Variants in CCDC88B observed in about 807,000 individuals in gnomAD.
CCDC88B encodes coiled-coil domain-containing protein 88B.
A neutral mutation model predicts 183.7 loss-of-function variants in CCDC88B; 138 were observed. The ratio of observed to expected loss-of-function variants is 0.75; its 90% CI spans 0.65 to 0.87. The LOEUF is 0.87. CCDC88B is among the 40% of genes least tolerant of loss of function. The pLI is 0.00. For missense variants in CCDC88B, 1,822 were observed against 1,965.6 expected, an observed-to-expected ratio of 0.93 and a Z score of 1.38; for synonymous variants, 835 against 867.5, an observed-to-expected ratio of 0.96 and a Z score of 0.66.
chr11:64,352,433 G>A (rs1459838342), intron 19 of CCDC88B, 47 bp downstream of exon 19: 1 of 1,490,022 alleles, frequency 6.7e-7, no homozygotes, highest in Non-Finnish European at 8.9e-7. Context: ...CCCCCTATCT[G>A]CCAGAGAAGA....
rs754778814 is a variant in CCDC88B, at chr11:64,357,179, G to A, written c.*85G>A. The A allele has an allele frequency of 2.6e-6, 4 of 1,529,010 alleles. No individual in the cohort carries two copies. The highest frequency in any genetic ancestry group is 3.6e-6 in the Non-Finnish European group (4 of 1,103,000). The allele number at this position is 1,529,010 out of a possible 1,614,324, so 94.7% of individuals were successfully genotyped here. A position where few individuals can be genotyped will look rare whatever the true frequency, so the allele number is the denominator to read the frequency against. On this transcript the variant is annotated 3_prime_UTR_variant, in exon 27 of 27. Transcript: ENST00000356786. ...GCCCCAGGCAGCCCAAGAGCTCAGG[G>A]AGCCAGGGACCCCAAGGGGAGTCCT...
In CCDC88B at chr11:64,344,500, G is replaced by C. The variant is rs568305650; in HGVS notation, c.1959G>C (p.Ser653=). ...QEGPEHKPGP[S]EPSSVQLEEQ... The stretch of plus-strand genomic sequence containing the variant: ...GCCCTGAGCACAAGCCAGGGCCTTC[G>C]GAGCCCAGCTCTGTGCAGCTGGAGG... The change falls in exon 14 of 27, where the codon TCG becomes TCC. Residue 653 remains serine, a synonymous_variant. Coordinates refer to ENST00000356786, the MANE Select transcript of CCDC88B (RefSeq NM_032251.6). The surrounding 1 kb of genome is among the most constrained non-coding windows in gnomAD (Gnocchi z 4.5). 3.7e-6 allele frequency: 6 copies of C among 1,606,658 alleles called. No homozygotes were observed. The highest frequency in any genetic ancestry group is 4.2e-6 in the Non-Finnish European group (5 of 1,176,904).
At chr11:64,343,440 C>T in intron 11 of CCDC88B, 67 bp from the exon 12 acceptor site, 1 of 1,542,918 alleles carries the variant, frequency 6.5e-7, no homozygotes, top group Non-Finnish European at 8.8e-7. Context: ...CTCTAGTGAC[C>T]CTCCGACCTA....
chr11:64,340,458 G>A, intron 1 of CCDC88B, 132 bp downstream of exon 1: 2 of 1,349,644 alleles, frequency 1.5e-6, no homozygotes, highest in Non-Finnish European at 2.0e-6. Context: ...GTGGGGGATG[G>A]AGATATGGTG....
rs551209341 is a variant in CCDC88B at position 64,352,808 on chromosome 11, C to T, written c.3421C>T (p.Arg1141Cys). Residue 1141 changes from arginine (R) to cysteine (C), a missense_variant, in exon 20 of 27, where the codon CGT becomes TGT. Arg to Cys is a radical substitution (Grantham distance 180). Transcript: ENST00000356786. Reference protein sequence around the residue: ...EAQEVALLAERERLMQDGHRQ... With the variant: ...EAQEVALLAECERLMQDGHRQ... Reference sequence around the variant, plus strand: ...ACAGGAGGTGGCCCTGCTGGCAGAGCGTGAACGCCTGATGCAAGATGGGCA... The same window carrying T: ...ACAGGAGGTGGCCCTGCTGGCAGAGTGTGAACGCCTGATGCAAGATGGGCA... The T allele has an allele frequency of 8.1e-6, 13 of 1,613,234 alleles. No homozygotes were observed. Among genetic ancestry groups the T allele is most frequent in the Admixed American group, 6.7e-5 (4 of 59,990 alleles).
Position 64,352,252 on chromosome 11 carries a change from G to T in CCDC88B, c.3222G>T (p.Leu1074=), listed in dbSNP as rs150446546. Residue 1074 remains leucine (L), a synonymous_variant, in exon 19 of 27, where the codon CTG becomes CTT. Coordinates refer to ENST00000356786, the MANE Select transcript of CCDC88B (RefSeq NM_032251.6). ...QEETRGQQQA[L]LRDHKALAQL... ...AGACCCGCGGGCAGCAGCAGGCCCT[G>T]CTTCGGGACCACAAGGCCCTGGCAC... 2.0e-4 allele frequency: 322 copies of T among 1,604,700 alleles called. No individual in the cohort carries two copies. Among genetic ancestry groups the T allele is most frequent in the Non-Finnish European group, 2.4e-4 (282 of 1,175,884 alleles).
chr11:64,342,866 T>A (rs1369194319), intron 10 of CCDC88B, 186 bp downstream of exon 10: 1 of 333,808 alleles, frequency 3.0e-6, no homozygotes, highest in South Asian at 3.1e-5. Flanking sequence ...ATGGGGCAGG[T>A]GTAGGGGAGT....
In CCDC88B at chr11:64,341,284, C is replaced by A; in HGVS notation, c.403C>A (p.Gln135Lys). ...GTGCCTTGCAGAAGAAGCGGTGGAG[C>A]AGCTGGAAGGCGTTCTTCGGCTACT... ...FDPLSEEAVE[Q>K]LEGVLRLLLG... The change falls in exon 5 of 27, where the codon CAG becomes AAG. Residue 135 changes from glutamine (Q) to lysine (K), a missense_variant. By Grantham distance (53) the Gln-to-Lys change is moderately conservative. Coordinates refer to ENST00000356786, the MANE Select transcript of CCDC88B (RefSeq NM_032251.6). 2.5e-6 allele frequency: 4 copies of A among 1,614,142 alleles called. No homozygotes were observed. Among genetic ancestry groups the A allele is most frequent in the Non-Finnish European group, 3.4e-6 (4 of 1,180,018 alleles).
At position 64,341,273 on chromosome 11, in the gene CCDC88B, A is replaced by C; in HGVS notation, c.392A>C (p.Glu131Ala). 3.1e-6 allele frequency: 5 copies of C among 1,614,060 alleles called. No homozygotes were observed. Among genetic ancestry groups the C allele is most frequent in the Non-Finnish European group, 4.2e-6 (5 of 1,180,010 alleles). Residue 131 changes from glutamate (E) to alanine (A), a missense_variant, in exon 5 of 27, where the codon GAA becomes GCA. Transcript: ENST00000356786. Reference protein sequence around the residue: ...QTLGFDPLSEEAVEQLEGVLR... With the variant: ...QTLGFDPLSEAAVEQLEGVLR... ...CCTTGTGGCATGTGCCTTGCAGAAG[A>C]AGCGGTGGAGCAGCTGGAAGGCGTT...
intron 24 of CCDC88B, among the ~76,000 whole-genome samples, chr11:64,354,949 G>A (rs1163592474): frequency 2.1e-4 from 2 of 9,570 alleles, no homozygotes; most frequent in Non-Finnish European, 3.5e-4. Flanking sequence ...CGCTCCCCTC[G>A]TCTGACCCCC....
chr11:64,342,220 C>G, intron 8 of CCDC88B, 74 bp from the exon 9 acceptor site: 1 of 1,580,024 alleles, frequency 6.3e-7, no homozygotes, highest in South Asian at 1.1e-5. Flanking sequence ...CTGGTGGCTA[C>G]GGGAGGGGTC....
At position 64,349,540 on chromosome 11, in the gene CCDC88B, T is replaced by G. The variant is rs1473382761; in HGVS notation, c.2745-11T>G. 1 of 1,593,620 alleles carries G rather than the reference T, an allele frequency of 6.3e-7. No individual in the cohort carries two copies. Among genetic ancestry groups the G allele is most frequent in the Admixed American group, 1.8e-5 (1 of 56,684 alleles). ...TGGGGTGGGGCTGGGTGCTAAGGAT[T>G]CTCCTGGCAGGTACCAGGGCTTGGA... On this transcript the variant is annotated splice_polypyrimidine_tract_variant and intron_variant, in intron 15 of 26. Transcript: ENST00000356786.
At chr11:64,355,829 A>G (rs1591302886) in intron 26 of CCDC88B, 1 of 521,628 alleles carries the variant, frequency 1.9e-6, no homozygotes, top group Non-Finnish European at 3.4e-6. Flanking sequence ...ATTATCTACA[A>G]CAGCCCTGTC....
Position 64,342,566 on chromosome 11 carries a change from C to A in CCDC88B, c.948C>A (p.Arg316=). ...SGQAKRAELY[R]EEAEALRERA... ...AGGCCAAGCGGGCCGAGCTGTACCGCGAGGAGGCAGAGGCGCTGCGGGAGC... is the reference window on the plus strand; with the variant it reads ...AGGCCAAGCGGGCCGAGCTGTACCGAGAGGAGGCAGAGGCGCTGCGGGAGC... Residue 316 remains arginine (R), a synonymous_variant, in exon 10 of 27, where the codon CGC becomes CGA. Coordinates refer to ENST00000356786, the MANE Select transcript of CCDC88B (RefSeq NM_032251.6). 1 of 1,531,666 alleles carries A rather than the reference C, an allele frequency of 6.5e-7. No individual in the cohort carries two copies. Among genetic ancestry groups the A allele is most frequent in the Non-Finnish European group, 8.7e-7 (1 of 1,145,370 alleles). The allele number at this position is 1,531,666 out of a possible 1,614,324, so 94.9% of individuals were successfully genotyped here.
Position 64,352,161 on chromosome 11 carries a change from A to G in CCDC88B, c.3131A>G (p.Gln1044Arg). ...AEKSVLEIQG[Q>R]ELHRKLEVLE... Reference sequence around the variant, plus strand: ...AAGTCTGTGCTGGAGATTCAGGGCCAGGAGCTGCACCGGAAGCTGGAGGTG... The same window carrying G: ...AAGTCTGTGCTGGAGATTCAGGGCCGGGAGCTGCACCGGAAGCTGGAGGTG... Residue 1044 changes from glutamine (Q) to arginine (R), a missense_variant, in exon 19 of 27, where the codon CAG becomes CGG. Physicochemically the swap from Gln to Arg is conservative, Grantham distance 43 (BLOSUM62 1). Transcript: ENST00000356786. 6.3e-7 allele frequency: 1 copy of G among 1,596,548 alleles called. No individual in the cohort carries two copies.
intron 16 of CCDC88B, 99 bp from the exon 17 acceptor site, chr11:64,351,060 TA>T: frequency 1.2e-6 from 1 of 802,130 alleles, no homozygotes; most frequent in Non-Finnish European, 1.9e-6. Context: ...TGGACTAGGC[TA>T]AATGCTGCTG....
At chr11:64,351,287 G>T in intron 17 of CCDC88B, 32 bp downstream of exon 17, 1 of 1,499,836 alleles carries the variant, frequency 6.7e-7, no homozygotes, top group Non-Finnish European at 8.9e-7. Flanking sequence ...GCCCTGGGGA[G>T]GTGCCCCGTG....
At position 64,344,701 on chromosome 11, in the gene CCDC88B, G is replaced by A. The variant is rs940705232; in HGVS notation, c.2160G>A (p.Leu720=). 1 of 1,614,038 alleles carries A rather than the reference G, an allele frequency of 6.2e-7. No individual in the cohort carries two copies. The highest frequency in any genetic ancestry group is 1.7e-5 in the Admixed American group (1 of 60,008). ...VWEGPIPGES[L]ASGVAEQEAL... is the part of the protein sequence containing the mutation. Reference sequence around the variant, plus strand: ...AAGGCCCAATCCCAGGGGAGAGCCTGGCCAGTGGTGTCGCAGAGCAGGAGG... The same window carrying A: ...AAGGCCCAATCCCAGGGGAGAGCCTAGCCAGTGGTGTCGCAGAGCAGGAGG... The change falls in exon 14 of 27, where the codon CTG becomes CTA. Residue 720 remains leucine, a synonymous_variant. Transcript: ENST00000356786. The surrounding 1 kb of genome is among the most constrained non-coding windows in gnomAD (Gnocchi z 4.5).
In CCDC88B at chr11:64,340,769, C is replaced by T. The variant is rs1233639173; in HGVS notation, c.206+17C>T. ...GGGCATCATGTAAGGGGCATCGGGC[C>T]GGGGCGGTGGCGGGGAAGGATCTGA... On this transcript the variant is annotated intron_variant, in intron 2 of 26. Coordinates refer to ENST00000356786, the MANE Select transcript of CCDC88B (RefSeq NM_032251.6). 5.0e-6 allele frequency: 8 copies of T among 1,593,962 alleles called. No homozygotes were observed. The African/African-American group carries it at 6.7e-5, about 13-fold the overall frequency.
Sources: gnomAD v4.1 joint callset for allele counts (sites outside exome capture counted in the v4.1 genomes callset) on GRCh38, gnomAD v4.1.1 for gene constraint, Gnocchi (gnomAD v3.1) non-coding constraint, MANE v1.5 for transcripts, NCBI Gene and HGNC (gene_info 2026-07-23, HGNC 2026-07-21) for gene names.